KLHL7: variants seen among roughly 807,000 people sequenced by gnomAD.
KLHL7 encodes kelch-like protein 7.
KLHL7 carries 44 observed loss-of-function variants against 67.4 expected under a neutral mutation model. The ratio of observed to expected loss-of-function variants is 0.65; its 90% CI spans 0.51 to 0.84. The LOEUF is 0.84. Ranked by LOEUF, KLHL7 falls within the 40% of genes least tolerant of loss-of-function variation. KLHL7 has a pLI of 0.00. For synonymous variants in KLHL7, 252 were observed against 243.3 expected, an observed-to-expected ratio of 1.04 and a Z score of -0.33; for missense variants, 362 against 718.1, an observed-to-expected ratio of 0.50 and a Z score of 5.67.
chr7:23,121,823 C>G (rs1399804222), intron 1 of KLHL7, among the ~76,000 whole-genome samples: 1 of 151,944 alleles, frequency 6.6e-6, no homozygotes, highest in African/African-American at 2.4e-5. Flanking sequence ...GCTGGGACTA[C>G]AGGTGCCCAC....
chr7:23,120,980 G>A (rs906914939), intron 1 of KLHL7, among the ~76,000 whole-genome samples: 5 of 151,866 alleles, frequency 3.3e-5, no homozygotes, highest in African/African-American at 9.7e-5. Flanking sequence ...CCCTCCTTCC[G>A]CCTCCCCTTC....
rs762218509 is a variant in KLHL7 at position 23,124,624 on chromosome 7, C to T, written c.224-64C>T. On this transcript the variant is annotated intron_variant, in intron 2 of 10. Coordinates refer to ENST00000339077, the MANE Select transcript of KLHL7 (RefSeq NM_001031710.3). ...GCATATTTAACATGGCCTGGAATGC[C>T]GTGGTTCCTCAGTCAAACTTGTGGT... 444 of 950,118 alleles carry T rather than the reference C, an allele frequency of 4.7e-4. 1 individual carries two copies. The highest frequency in any genetic ancestry group is 6.5e-4 in the Non-Finnish European group (372 of 575,318). The allele number at this position is 950,118 out of a possible 1,614,324, so 58.9% of individuals were successfully genotyped here. A position where few individuals can be genotyped will look rare whatever the true frequency, so the allele number is the denominator to read the frequency against.
chr7:23,139,385 A>T (rs1784101524), intron 4 of KLHL7, among the ~76,000 whole-genome samples: 1 of 152,262 alleles, frequency 6.6e-6, no homozygotes, highest in African/African-American at 2.4e-5. Flanking sequence ...ATAAAATCAT[A>T]GCAGCAGATG....
chr7:23,165,017 A>G (rs1352076911), intron 7 of KLHL7, among the ~76,000 whole-genome samples: 3 of 152,260 alleles, frequency 2.0e-5, no homozygotes, highest in Non-Finnish European at 4.4e-5. Flanking sequence ...GATGCTATCA[A>G]ACATAGTGAA....
intron 1 of KLHL7, among the ~76,000 whole-genome samples, chr7:23,116,485 C>T (rs1187312250): frequency 6.6e-6 from 1 of 152,260 alleles, no homozygotes; most frequent in African/African-American, 2.4e-5. Flanking sequence ...TTTCAGGCAG[C>T]CTCAGCTGAC....
chr7:23,174,236 A>C lies in KLHL7; in HGVS notation c.1699A>C (p.Thr567Pro). 1 of 1,614,178 alleles carries C rather than the reference A, an allele frequency of 6.2e-7. No individual in the cohort carries two copies. Among genetic ancestry groups the C allele is most frequent in the Non-Finnish European group, 8.5e-7 (1 of 1,180,008 alleles). ...ANSKVRAFPV[T>P]SCLICVVDTC... Reference sequence around the variant, plus strand: ...CTCCAAAGTTCGTGCTTTTCCAGTCACAAGTTGTTTAATTTGTGTTGTCGA... The same window carrying C: ...CTCCAAAGTTCGTGCTTTTCCAGTCCCAAGTTGTTTAATTTGTGTTGTCGA... Residue 567 changes from threonine to proline, a missense_variant, in exon 11 of 11, where the codon ACA (threonine) becomes CCA (proline). Around this residue, in one of 5 missense-constraint regions of KLHL7, gnomAD observed 136 missense variants for 252.7 expected, o/e 0.54. Transcript: ENST00000339077.
At chr7:23,143,220 G>T (rs1200167117) in intron 5 of KLHL7, among the ~76,000 whole-genome samples, 1 of 152,116 alleles carries the variant, frequency 6.6e-6, no homozygotes, top group Non-Finnish European at 1.5e-5. Flanking sequence ...TTTTTGGGGG[G>T]TGTTTAATGA....
chr7:23,164,470 T>C (rs964640381), intron 7 of KLHL7, among the ~76,000 whole-genome samples: 1 of 152,236 alleles, frequency 6.6e-6, no homozygotes, highest in African/African-American at 2.4e-5. Context: ...ACAGTTTCTC[T>C]AAGAGAACAA....
At chr7:23,134,721 C>T (rs1001646062) in intron 4 of KLHL7, among the ~76,000 whole-genome samples, 1 of 152,010 alleles carries the variant, frequency 6.6e-6, no homozygotes, top group African/African-American at 2.4e-5. Context: ...TCTAAATTTT[C>T]CAATTTATAG....
In KLHL7 at chr7:23,106,001, C is replaced by G. The variant is rs377434067; in HGVS notation, c.-26C>G. On this transcript the variant is annotated 5_prime_UTR_variant, in exon 1 of 11. Coordinates refer to ENST00000339077, the MANE Select transcript of KLHL7 (RefSeq NM_001031710.3). ...GACCCCTCGCCCGGCCCGGCGAGCC[C>G]CGGGCGTGAACCGAGCTGAGGGAGG... is the stretch of plus-strand genomic sequence containing the variant. 1.9e-6 allele frequency: 3 copies of G among 1,606,152 alleles called. No homozygotes were observed. The highest frequency in any genetic ancestry group is 2.5e-6 in the Non-Finnish European group (3 of 1,177,704).
intron 1 of KLHL7, among the ~76,000 whole-genome samples, chr7:23,110,494 C>T (rs192236860): frequency 2.8e-3 from 424 of 152,216 alleles, no homozygotes; most frequent in Middle Eastern, 0.027. Flanking sequence ...ACCTCTCCAG[C>T]TTTTGAACCA....
intron 7 of KLHL7, among the ~76,000 whole-genome samples, chr7:23,162,530 T>A (rs1258864080): frequency 6.6e-6 from 1 of 152,194 alleles, no homozygotes; most frequent in Non-Finnish European, 1.5e-5. Context: ...TAAAGTCCCT[T>A]AGAAGTTAAG....
intron 9 of KLHL7, among the ~76,000 whole-genome samples, chr7:23,169,826 C>T (rs1266298935): frequency 3.3e-5 from 5 of 152,258 alleles, no homozygotes; most frequent in East Asian, 3.9e-4. Context: ...TCTATGTTCC[C>T]TTCAATGCCC....
chr7:23,105,859 T>C lies in KLHL7; in HGVS notation c.-168T>C, dbSNP rs1782610240. On this transcript the variant is annotated 5_prime_UTR_variant, in exon 1 of 11. Coordinates refer to ENST00000339077, the MANE Select transcript of KLHL7 (RefSeq NM_001031710.3). The stretch of plus-strand genomic sequence containing the variant: ...TTTCTAAGGGGGCCGCCCGGCCTTG[T>C]CTTTCGGCAGTGGCCGAGCCACCGC... The C allele has an allele frequency of 4.9e-6, 5 of 1,014,468 alleles. No individual in the cohort carries two copies. The highest frequency in any genetic ancestry group is 7.3e-6 in the Non-Finnish European group (5 of 680,434). 62.8% of individuals were successfully genotyped at this position (1,014,468 alleles called of 1,614,324 possible).
intron 7 of KLHL7, among the ~76,000 whole-genome samples, chr7:23,159,593 G>A (rs1358577813): frequency 2.6e-5 from 4 of 151,966 alleles, no homozygotes; most frequent in East Asian, 1.9e-4. Flanking sequence ...GTACAGTGGC[G>A]TGATCTCGGT....
intron 7 of KLHL7, among the ~76,000 whole-genome samples, chr7:23,162,203 G>A (rs370836318): frequency 1.3e-5 from 2 of 152,208 alleles, no homozygotes; most frequent in African/African-American, 4.8e-5. Flanking sequence ...TTTGGAGTCA[G>A]ATGGATTTAG....
rs1783457321 is a variant in KLHL7 at position 23,123,987 on chromosome 7, G to A, written c.223+108G>A. On this transcript the variant is annotated intron_variant, in intron 2 of 10. Coordinates refer to ENST00000339077, the MANE Select transcript of KLHL7 (RefSeq NM_001031710.3). ...ATTTTTAAAGCAGTTAAGAACTTAA[G>A]GCCACAGAACAGTGAAGAGATTGAA... is the stretch of plus-strand genomic sequence containing the variant. 1.4e-5 allele frequency: 11 copies of A among 806,392 alleles called. No individual in the cohort carries two copies. In the East Asian group the frequency reaches 2.7e-4, roughly 20 times the overall value. The allele number at this position is 806,392 out of a possible 1,614,324, so 50.0% of individuals were successfully genotyped here. A position where few individuals can be genotyped will look rare whatever the true frequency, so the allele number is the denominator to read the frequency against.
intron 1 of KLHL7, among the ~76,000 whole-genome samples, chr7:23,122,375 T>C (rs1783388948): frequency 6.6e-6 from 1 of 152,078 alleles, no homozygotes; most frequent in South Asian, 2.1e-4. Flanking sequence ...CTTCTCTCCC[T>C]CCTTTGACCT....
At chr7:23,172,910 C>G (rs1157673185) in intron 9 of KLHL7, 38 bp from the exon 10 acceptor site, 1 of 1,431,520 alleles carries the variant, frequency 7.0e-7, no homozygotes, top group Non-Finnish European at 9.9e-7. Context: ...TCTTTTACTT[C>G]CTGTAAACAA....
Sources: gnomAD v4.1 joint callset for allele counts (sites outside exome capture counted in the v4.1 genomes callset) on GRCh38, gnomAD v4.1.1 for gene constraint, gnomAD v4.1.1 regional missense constraint, MANE v1.5 for transcripts, NCBI Gene and HGNC (gene_info 2026-07-23, HGNC 2026-07-21) for gene names.